The following NRXN3 variants were observed in gnomAD, a reference collection of about 807,000 sequenced individuals.
The protein encoded by NRXN3 is neurexin 3.
A neutral mutation model predicts 137.6 loss-of-function variants in NRXN3; 32 were observed. That is an observed-to-expected ratio of 0.23 (90% CI 0.18 to 0.31). NRXN3 has a LOEUF of 0.31. NRXN3 is among the 10% of genes least tolerant of loss of function. The pLI, the probability that NRXN3 is intolerant of heterozygous loss-of-function variation, is 1.00. For missense variants in NRXN3, 1,574 were observed against 2,062.5 expected (o/e 0.76, Z 4.59); for synonymous variants, 798 against 784.5 (o/e 1.02, Z -0.29).
At chr14:79,629,842 TGC>T (rs940912822) in intron 16 of NRXN3, among the ~76,000 whole-genome samples, 3 of 113,678 alleles carry the variant, frequency 2.6e-5, no homozygotes, top group African/African-American at 1.5e-4. Flanking sequence ...TGTGTGTGTG[TGC>T]GTGTGTGTGT....
chr14:78,261,987 T>A (rs2070810714), intron 2 of NRXN3, among the ~76,000 whole-genome samples: 2 of 151,978 alleles, frequency 1.3e-5, no homozygotes, highest in African/African-American at 2.4e-5. Flanking sequence ...AACCAATAAG[T>A]GTGTAATTAC....
intron 15 of NRXN3, among the ~76,000 whole-genome samples, chr14:79,412,336 A>G (rs773273031): frequency 6.6e-6 from 1 of 152,156 alleles, no homozygotes; most frequent in Non-Finnish European, 1.5e-5. Flanking sequence ...CCCTTTCACT[A>G]GGCTACAAAG....
intron 15 of NRXN3, among the ~76,000 whole-genome samples, chr14:79,133,791 T>C (rs1261806957): frequency 1.3e-5 from 2 of 150,360 alleles, no homozygotes; most frequent in Non-Finnish European, 3.0e-5. Context: ...TAGGTGGGCG[T>C]GGTGGTGGGC....
chr14:79,764,912 T>C (rs1439166314), intron 19 of NRXN3, among the ~76,000 whole-genome samples: 2 of 152,234 alleles, frequency 1.3e-5, no homozygotes, highest in Admixed American at 6.5e-5. Context: ...TTTGGAATGC[T>C]GTGATCTGAA....
intron 6 of NRXN3, among the ~76,000 whole-genome samples, chr14:78,657,912 A>G (rs528141933): frequency 1.3e-5 from 2 of 152,094 alleles, no homozygotes; most frequent in Admixed American, 6.5e-5. Flanking sequence ...CTCTCATGCT[A>G]TCACTTAATT....
chr14:79,330,471 AC>A (rs938150451), intron 15 of NRXN3, among the ~76,000 whole-genome samples: 1 of 152,168 alleles, frequency 6.6e-6, no homozygotes, highest in African/African-American at 2.4e-5. Context: ...TGCTAAAATA[AC>A]CATGAACAGA....
chr14:79,444,589 C>T (rs1156556228), intron 15 of NRXN3, among the ~76,000 whole-genome samples: 2 of 152,172 alleles, frequency 1.3e-5, no homozygotes. Flanking sequence ...CTTTGGGAGG[C>T]TGACACCAGT....
intron 8 of NRXN3, among the ~76,000 whole-genome samples, chr14:78,731,597 G>GTA (rs200673205): frequency 5.0e-4 from 64 of 129,066 alleles, no homozygotes; most frequent in African/African-American, 1.3e-3. Context: ...TTGGGAATGT[G>GTA]TATATATATA....
intron 19 of NRXN3, among the ~76,000 whole-genome samples, chr14:79,773,618 G>A (rs936259778): frequency 8.1e-6 from 1 of 122,944 alleles, no homozygotes; most frequent in Non-Finnish European, 1.7e-5. Flanking sequence ...TCACACTCTG[G>A]GGACTGTTTT....
intron 16 of NRXN3, among the ~76,000 whole-genome samples, chr14:79,560,505 T>TTTTTTTTTTTTTTG: frequency 2.1e-5 from 1 of 47,076 alleles, no homozygotes; most frequent in Non-Finnish European, 4.6e-5. Flanking sequence ...GATTGTAAGC[T>TTTTTTTTTTTTTTG]TTTTTTTTTT....
chr14:79,462,753 C>A (rs1278540447), intron 15 of NRXN3, among the ~76,000 whole-genome samples: 1 of 151,486 alleles, frequency 6.6e-6, no homozygotes, highest in Non-Finnish European at 1.5e-5. Context: ...GAATTCTAGT[C>A]TATTGTATTT....
At chr14:78,399,277 A>C (rs998078322) in intron 4 of NRXN3, among the ~76,000 whole-genome samples, 6 of 152,108 alleles carry the variant, frequency 3.9e-5, no homozygotes, top group Non-Finnish European at 8.8e-5. Context: ...ACACATAATA[A>C]AATATTTAAA....
At chr14:79,718,486 A>T (rs531817557) in intron 19 of NRXN3, among the ~76,000 whole-genome samples, 1 of 152,334 alleles carries the variant, frequency 6.6e-6, no homozygotes, top group South Asian at 2.1e-4. Context: ...TTTTTTAAAG[A>T]TTACTCTGCC....
At chr14:78,748,021 A>G (rs2098620259) in intron 8 of NRXN3, among the ~76,000 whole-genome samples, 2 of 152,176 alleles carry the variant, frequency 1.3e-5, no homozygotes, top group Non-Finnish European at 2.9e-5. Flanking sequence ...TAGGTCAGCA[A>G]TCCTTTTGGG....
At chr14:78,579,519 G>A (rs1391663424) in intron 4 of NRXN3, among the ~76,000 whole-genome samples, 2 of 151,476 alleles carry the variant, frequency 1.3e-5, no homozygotes, top group Non-Finnish European at 2.9e-5. Context: ...TAAGACACTT[G>A]GGAGTGGTGG....
chr14:79,291,172 A>G (rs1409838257), intron 15 of NRXN3, among the ~76,000 whole-genome samples: 1 of 152,176 alleles, frequency 6.6e-6, no homozygotes, highest in Non-Finnish European at 1.5e-5. Context: ...TTCTTAAAAC[A>G]AACTTCTTAG....
At chr14:78,176,985 C>G (rs2059332442) in intron 1 of NRXN3, among the ~76,000 whole-genome samples, 1 of 152,096 alleles carries the variant, frequency 6.6e-6, no homozygotes, top group African/African-American at 2.4e-5. Context: ...GTCTTCTGAC[C>G]TTCCTGGGGG....
chr14:78,222,604 T>C (rs559070027), intron 1 of NRXN3, among the ~76,000 whole-genome samples: 11 of 152,156 alleles, frequency 7.2e-5, no homozygotes, highest in Non-Finnish European at 1.2e-4. Context: ...TGGGAACTTT[T>C]TTTTTTCCTT....
At chr14:78,244,959 G>T (rs1439900083) in intron 2 of NRXN3, among the ~76,000 whole-genome samples, 2 of 152,222 alleles carry the variant, frequency 1.3e-5, no homozygotes, top group East Asian at 3.8e-4. Flanking sequence ...TCTAAGAGAG[G>T]TGGCTCAAAC....
Sources: gnomAD v4.1 joint callset for allele counts (sites outside exome capture counted in the v4.1 genomes callset) on GRCh38, gnomAD v4.1.1 for gene constraint, MANE v1.5 for transcripts, NCBI Gene and HGNC (gene_info 2026-07-23, HGNC 2026-07-21) for gene names.